The following PIR variants were observed in gnomAD, a reference collection of about 807,000 sequenced individuals.
The protein encoded by PIR is pirin (iron-binding nuclear protein).
A neutral mutation model predicts 24.2 loss-of-function variants in PIR; 22 were observed. The observed-to-expected ratio is 0.91, with a 90% CI of 0.65 to 1.30. PIR has a LOEUF of 1.30. Among genes scored for constraint, PIR ranks in the 50% most tolerant of loss-of-function variants. PIR has a pLI of 0.00. For missense variants in PIR, 220 were observed against 220.3 expected (o/e 1.00, Z 0.01); for synonymous variants, 80 against 79.6 (o/e 1.00, Z -0.03).
At chrX:15,393,098 C>A (rs1190990381) in intron 8 of PIR, among the ~76,000 whole-genome samples, 11 of 112,173 alleles carry the variant, frequency 9.8e-5, no homozygotes. Flanking sequence ...AAAACCCATA[C>A]AAAAGTAGCA....
intron 3 of PIR, chrX:15,464,241 CCCGG>C (rs1921443258): frequency 7.7e-6 from 1 of 129,370 alleles, no homozygotes; most frequent in Non-Finnish European, 1.4e-5. Context: ...CATGGAGGTG[CCCGG>C]ATGAACATAC....
intron 5 of PIR, among the ~76,000 whole-genome samples, chrX:15,454,007 A>T (rs1160625357): frequency 9.0e-6 from 1 of 111,523 alleles, no homozygotes; most frequent in Admixed American, 9.5e-5. Flanking sequence ...GCCCTCTACT[A>T]TCCATCTCAC....
At chrX:15,450,085 T>G (rs1052403995) in intron 5 of PIR, among the ~76,000 whole-genome samples, 14 of 112,376 alleles carry the variant, frequency 1.2e-4, no homozygotes, top group African/African-American at 4.2e-4. Context: ...CTTTCAAAAG[T>G]AAAAATTAAA....
Position 15,419,665 on chromosome X carries a change from G to A in PIR, c.565+6241C>T, listed in dbSNP as rs761072565. ...AATCCCAGCACTTTGGGAGGCCGAG[G>A]TGGATGGATTACCTGAGGTCAGGAG... On this transcript the variant is annotated intron_variant, in intron 6 of 9. Coordinates refer to ENST00000380420, the MANE Select transcript of PIR (RefSeq NM_001018109.3). Among the ~76,000 whole-genome samples the A allele has an allele frequency of 9.9e-5, 11 of 110,962 alleles. No individual in the cohort carries two copies. In the South Asian group the frequency reaches 4.2e-3, roughly 42 times the overall value.
intron 5 of PIR, among the ~76,000 whole-genome samples, chrX:15,431,838 TACTA>T (rs761562544): frequency 7.2e-5 from 8 of 110,671 alleles, no homozygotes; most frequent in South Asian, 3.9e-4. Flanking sequence ...TCACTTGTTA[TACTA>T]ACTAACTTGC....
intron 5 of PIR, among the ~76,000 whole-genome samples, chrX:15,428,755 C>T (rs778354454): frequency 1.7e-3 from 185 of 111,360 alleles, no homozygotes; most frequent in African/African-American, 5.8e-3. Flanking sequence ...GCCATCTGCC[C>T]GCCTCGGCTT....
At chrX:15,405,004 A>G (rs1477961799) in intron 7 of PIR, among the ~76,000 whole-genome samples, 1 of 111,505 alleles carries the variant, frequency 9.0e-6, no homozygotes, top group East Asian at 2.8e-4. Context: ...GTAAATAGAA[A>G]TGACTCAGGA....
chrX:15,480,111 G>C (rs1051202862), intron 2 of PIR, among the ~76,000 whole-genome samples: 4 of 110,868 alleles, frequency 3.6e-5, no homozygotes, highest in Middle Eastern at 4.2e-3. Context: ...TGCTGTTCTT[G>C]TGACAGTGAA....
Position 15,425,917 on chromosome X carries a change from G to T in PIR, c.554C>A (p.Pro185His). Residue 185 changes from proline (P) to histidine (H), a missense_variant, in exon 6 of 10, where the codon CCT becomes CAT. Transcript: ENST00000380420. ...KLDPGAKHSQ[P>H]IPKGWTSFIY... ...AGAACCCATCATACCTTTAGGGATA[G>T]GTTGGGAATGTTTGGCTCCTGGGTC... 8.6e-7 allele frequency: 1 copy of T among 1,160,672 alleles called. No individual in the cohort carries two copies. The highest frequency in any genetic ancestry group is 1.2e-6 in the Non-Finnish European group (1 of 849,153).
intron 5 of PIR, among the ~76,000 whole-genome samples, chrX:15,440,596 G>A (rs913427327): frequency 1.8e-5 from 2 of 111,414 alleles, no homozygotes; most frequent in African/African-American, 6.5e-5. Flanking sequence ...CAAACATGAA[G>A]TTTCCATTTC....
chrX:15,450,607 G>A (rs1372015634), intron 5 of PIR, among the ~76,000 whole-genome samples: 2 of 110,794 alleles, frequency 1.8e-5, no homozygotes, highest in Non-Finnish European at 3.8e-5. Context: ...GGCAGGTGAG[G>A]GAGGAGCTCC....
rs1055542828 is a variant in PIR, at chrX:15,475,212, T to C, written c.189+4517A>G. 2.7e-5 allele frequency among the ~76,000 whole-genome samples: 3 copies of C among 111,179 alleles called. No individual in the cohort carries two copies. In the Admixed American group the frequency reaches 2.9e-4, roughly 11 times the overall value. On this transcript the variant is annotated intron_variant, in intron 3 of 9. Coordinates refer to ENST00000380420, the MANE Select transcript of PIR (RefSeq NM_001018109.3). ...TCCTCTCCTGGGTATTGTTCAGGCA[T>C]TGCACGCAAACACTGTCGGCTACCA... is the stretch of plus-strand genomic sequence containing the variant.
chrX:15,441,847 G>A (rs1170135932), intron 5 of PIR, among the ~76,000 whole-genome samples: 3 of 111,395 alleles, frequency 2.7e-5, no homozygotes, highest in Non-Finnish European at 5.7e-5. Context: ...CTGCCTGGAC[G>A]TGGTTAATGA....
intron 6 of PIR, among the ~76,000 whole-genome samples, chrX:15,413,034 C>T (rs1443125576): frequency 8.9e-6 from 1 of 112,281 alleles, no homozygotes; most frequent in African/African-American, 3.2e-5. Flanking sequence ...ATCAAACATA[C>T]TGTTTCTATT....
At chrX:15,466,408 C>G (rs1187079028) in intron 3 of PIR, among the ~76,000 whole-genome samples, 1 of 111,949 alleles carries the variant, frequency 8.9e-6, no homozygotes, top group Non-Finnish European at 1.9e-5. Context: ...TTCCCTGCCA[C>G]CACCCTGCAG....
chrX:15,451,770 T>C (rs1357354683), intron 5 of PIR, among the ~76,000 whole-genome samples: 1 of 112,436 alleles, frequency 8.9e-6, no homozygotes, highest in Non-Finnish European at 1.9e-5. Context: ...AAAGTTTGGT[T>C]ATCATCCAAC....
At chrX:15,405,055 G>T (rs1924512287) in intron 7 of PIR, among the ~76,000 whole-genome samples, 1 of 111,490 alleles carries the variant, frequency 9.0e-6, no homozygotes, top group African/African-American at 3.3e-5. Flanking sequence ...GGATGTGTGG[G>T]TCATTCTTAC....
chrX:15,394,648 T>C (rs937953254), intron 8 of PIR, among the ~76,000 whole-genome samples: 2 of 111,574 alleles, frequency 1.8e-5, no homozygotes, highest in Non-Finnish European at 3.8e-5. Context: ...AGGGAAACCA[T>C]CATCTTAAGA....
intron 5 of PIR, among the ~76,000 whole-genome samples, chrX:15,439,726 C>T (rs1424305867): frequency 8.9e-6 from 1 of 112,424 alleles, no homozygotes; most frequent in Non-Finnish European, 1.9e-5. Context: ...ATCATCCCCA[C>T]TTGGCAGATG....
Sources: gnomAD v4.1 joint callset for allele counts (sites outside exome capture counted in the v4.1 genomes callset) on GRCh38, gnomAD v4.1.1 for gene constraint, MANE v1.5 for transcripts, NCBI Gene and HGNC (gene_info 2026-07-23, HGNC 2026-07-21) for gene names.